Variants in ADAM18 observed in about 807,000 individuals in gnomAD.
ADAM18 encodes the protein disintegrin and metalloproteinase domain-containing protein 18.
In ADAM18, 117 loss-of-function variants were observed where a neutral mutation model predicts 94.4. That is an observed-to-expected ratio of 1.24 (90% confidence interval 1.07 to 1.45). The LOEUF is 1.45. ADAM18 is among the 40% of genes most tolerant of loss of function. The pLI, the probability that ADAM18 is intolerant of heterozygous loss-of-function variation, is 0.00. For missense variants in ADAM18, 936 were observed against 880.0 expected, an observed-to-expected ratio of 1.06 and a Z score of -0.81; for synonymous variants, 327 against 291.6, an observed-to-expected ratio of 1.12 and a Z score of -1.24.
intron 12 of ADAM18, among the ~76,000 whole-genome samples, chr8:39,657,242 A>T (rs185295572): frequency 1.3e-5 from 2 of 152,216 alleles, no homozygotes; most frequent in Non-Finnish European, 2.9e-5. Context: ...TAAAACTATT[A>T]TAGACTGTTA....
At chr8:39,685,083 A>G (rs1311059550) in intron 16 of ADAM18, 1 of 152,200 alleles carries the variant, frequency 6.6e-6, no homozygotes, top group Non-Finnish European at 1.5e-5. Context: ...CTCCCAGCTG[A>G]ATGAAGCTCT....
At position 39,728,467 on chromosome 8, in the gene ADAM18, A is replaced by C. The variant is rs1416100772; in HGVS notation, c.2178-1431A>C. 2.0e-5 allele frequency among the ~76,000 whole-genome samples: 3 copies of C among 152,192 alleles called. No homozygotes were observed. The East Asian group carries it at 5.8e-4, about 29-fold the overall frequency. ...GTGTTCAAGTCATAGAGAGTCAGAA[A>C]GTCATTATTCTTTAATAGCAACACA... On this transcript the variant is annotated intron_variant, in intron 19 of 19. Coordinates refer to ENST00000265707, the MANE Select transcript of ADAM18 (RefSeq NM_014237.3).
chr8:39,636,222 A>C (rs1438561290), intron 7 of ADAM18, among the ~76,000 whole-genome samples: 1 of 151,992 alleles, frequency 6.6e-6, no homozygotes, highest in Non-Finnish European at 1.5e-5. Context: ...AAGTCTCACC[A>C]TGTTGTCCAC....
chr8:39,697,884 A>G (rs912063602), intron 17 of ADAM18, among the ~76,000 whole-genome samples: 8 of 151,724 alleles, frequency 5.3e-5, no homozygotes, highest in Non-Finnish European at 1.0e-4. Flanking sequence ...TCTTTTTGAC[A>G]TTGGTGTTCA....
At chr8:39,703,095 T>C (rs1724906438) in intron 17 of ADAM18, among the ~76,000 whole-genome samples, 1 of 152,220 alleles carries the variant, frequency 6.6e-6, no homozygotes, top group South Asian at 2.1e-4. Context: ...TTTCACAATA[T>C]TGATTCTTCC....
chr8:39,700,934 C>T (rs1024162122), intron 17 of ADAM18, among the ~76,000 whole-genome samples: 36 of 150,694 alleles, frequency 2.4e-4, no homozygotes, highest in African/African-American at 4.1e-4. Context: ...CTAAAAAAAA[C>T]GGTGAAACCC....
chr8:39,727,027 T>A (rs1304991500), intron 19 of ADAM18, among the ~76,000 whole-genome samples: 3 of 152,236 alleles, frequency 2.0e-5, no homozygotes, highest in Non-Finnish European at 2.9e-5. Context: ...TAAATTATTT[T>A]AACTGCATTC....
chr8:39,594,107 TG>T (rs1818663289), intron 2 of ADAM18, among the ~76,000 whole-genome samples: 1 of 152,148 alleles, frequency 6.6e-6, no homozygotes, highest in Non-Finnish European at 1.5e-5. Flanking sequence ...TTTTTTGCTG[TG>T]GGGTTGGTTC....
intron 10 of ADAM18, among the ~76,000 whole-genome samples, chr8:39,641,278 T>G (rs2129579399): frequency 6.6e-6 from 1 of 152,208 alleles, no homozygotes. Flanking sequence ...CCCCACTGCT[T>G]GTTTTTGTTC....
chr8:39,595,428 G>T (rs1818711931), intron 2 of ADAM18, among the ~76,000 whole-genome samples: 1 of 152,064 alleles, frequency 6.6e-6, no homozygotes, highest in Non-Finnish European at 1.5e-5. Context: ...ACAAGCATGG[G>T]AGTCAAAAGA....
intron 17 of ADAM18, among the ~76,000 whole-genome samples, chr8:39,701,073 C>T (rs1822058720): frequency 7.7e-6 from 1 of 130,694 alleles, no homozygotes; most frequent in Non-Finnish European, 1.6e-5. Flanking sequence ...AGCCGAGATC[C>T]CGCCACTGCA....
chr8:39,668,318 T>G, intron 14 of ADAM18, 122 bp downstream of exon 14: 1 of 924,522 alleles, frequency 1.1e-6, no homozygotes, highest in Non-Finnish European at 1.6e-6. Flanking sequence ...AAAATTAAAT[T>G]TTAGTTAAAG....
intron 10 of ADAM18, among the ~76,000 whole-genome samples, chr8:39,641,705 G>A (rs868013851): frequency 1.3e-5 from 2 of 152,082 alleles, no homozygotes; most frequent in African/African-American, 4.8e-5. Flanking sequence ...TCCCTGCAAA[G>A]GACATAATCT....
intron 13 of ADAM18, among the ~76,000 whole-genome samples, chr8:39,666,832 A>G (rs900396320): frequency 1.3e-5 from 2 of 152,124 alleles, no homozygotes; most frequent in Admixed American, 6.6e-5. Flanking sequence ...TCAAGATTAG[A>G]TTTGGGTGGG....
intron 18 of ADAM18, among the ~76,000 whole-genome samples, chr8:39,708,822 GGGTGCAGGGGCCAA>G (rs1000927132): frequency 2.2e-4 from 33 of 152,224 alleles, no homozygotes; most frequent in African/African-American, 2.4e-4. Flanking sequence ...CACAGGTGCA[GGGTGCAGGGGCCAA>G]GGTGCAGGGG....
chr8:39,607,586 G>A (rs568844954), intron 3 of ADAM18, among the ~76,000 whole-genome samples: 2 of 152,108 alleles, frequency 1.3e-5, no homozygotes, highest in Non-Finnish European at 2.9e-5. Context: ...TTCTTAACCA[G>A]TTGGCAGCAT....
At chr8:39,700,410 C>A (rs1369613010) in intron 17 of ADAM18, among the ~76,000 whole-genome samples, 1 of 151,906 alleles carries the variant, frequency 6.6e-6, no homozygotes, top group African/African-American at 2.4e-5. Context: ...AAAGTAAACA[C>A]AAAAATTGAT....
chr8:39,632,937 C>T lies in ADAM18; in HGVS notation c.588+3498C>T, dbSNP rs145718208. On this transcript the variant is annotated intron_variant, in intron 7 of 19. Transcript: ENST00000265707. ...CCCCTTCATAATTCATGTATTGAAA[C>T]ATAATGGCCAATGTTATGACTTTAA... is the stretch of plus-strand genomic sequence containing the variant. Among the ~76,000 whole-genome samples, 390 of 152,242 alleles carry T rather than the reference C, an allele frequency of 2.6e-3. 4 individuals are homozygous for T. Among genetic ancestry groups the T allele is most frequent in the African/African-American group, 9.0e-3 (374 of 41,562 alleles).
At chr8:39,618,643 T>C (rs1290169827) in intron 6 of ADAM18, among the ~76,000 whole-genome samples, 1 of 151,764 alleles carries the variant, frequency 6.6e-6, no homozygotes, top group Non-Finnish European at 1.5e-5. Flanking sequence ...CAGAAGGGAG[T>C]ATGCCTTAAC....
Sources: gnomAD v4.1 joint callset for allele counts (sites outside exome capture counted in the v4.1 genomes callset) on GRCh38, gnomAD v4.1.1 for gene constraint, MANE v1.5 for transcripts, NCBI Gene and HGNC (gene_info 2026-07-23, HGNC 2026-07-21) for gene names.